BCR: variants seen among roughly 807,000 people sequenced by gnomAD.
BCR encodes breakpoint cluster region protein.
BCR carries 58 observed loss-of-function variants against 138.6 expected under a neutral mutation model. The ratio of observed to expected loss-of-function variants is 0.42; its 90% CI spans 0.34 to 0.52. The LOEUF is 0.52. BCR is among the 20% of genes least tolerant of loss of function. The pLI is 0.06. For missense variants in BCR, 1,599 were observed against 1,727.2 expected (o/e 0.93, Z 1.32); for synonymous variants, 786 against 730.1 (o/e 1.08, Z -1.23).
chr22:23,292,125 A>C (rs1475094570), intron 14 of BCR, among the ~76,000 whole-genome samples: 1 of 152,098 alleles, frequency 6.6e-6, no homozygotes, highest in African/African-American at 2.4e-5. Context: ...CCCATAGTAC[A>C]GCGGGGTCTG....
chr22:23,288,277 C>A, intron 12 of BCR, 105 bp downstream of exon 12: 4 of 1,190,084 alleles, frequency 3.4e-6, no homozygotes, highest in Non-Finnish European at 5.0e-6. Flanking sequence ...GGGTTTTATC[C>A]AAGTGAAGTG....
Position 23,261,563 on chromosome 22 carries a change from T to C in BCR, c.1752+23T>C, listed in dbSNP as rs926691197. The C allele has an allele frequency of 3.1e-6, 5 of 1,608,362 alleles. No individual in the cohort carries two copies. In the African/African-American group the frequency reaches 6.7e-5, roughly 21 times the overall value. On this transcript the variant is annotated intron_variant, in intron 4 of 22. Transcript: ENST00000305877. The stretch of plus-strand genomic sequence containing the variant: ...CTGGTGAGTAACCCAGGGCCGGTGC[T>C]GGGACTACAGGCGTGTACCACCACG...
At chr22:23,207,572 G>A (rs2072631843) in intron 1 of BCR, among the ~76,000 whole-genome samples, 1 of 152,196 alleles carries the variant, frequency 6.6e-6, no homozygotes, top group Non-Finnish European at 1.5e-5. Context: ...ACATTGAGCT[G>A]TGATTGCACC....
intron 16 of BCR, chr22:23,306,044 C>G (rs2073951716): frequency 6.6e-6 from 1 of 152,254 alleles, no homozygotes; most frequent in African/African-American, 2.4e-5. Context: ...GCCTCATTAT[C>G]ATGCTATTCT....
At chr22:23,280,066 C>T (rs930170210) in intron 8 of BCR, among the ~76,000 whole-genome samples, 1 of 152,110 alleles carries the variant, frequency 6.6e-6, no homozygotes, top group Non-Finnish European at 1.5e-5. Context: ...CACCGCATGA[C>T]CTCATCTACA....
At position 23,263,759 on chromosome 22, in the gene BCR, TATC is replaced by T. The variant is rs1405647367; in HGVS notation, c.1752+2222_1752+2224del. On this transcript the variant is annotated intron_variant, in intron 4 of 22. Coordinates refer to ENST00000305877, the MANE Select transcript of BCR (RefSeq NM_004327.4). ...TGTGTGGATTGCAAAGGGGGCATCATATCATTGTGAGTGGCTCCAGGGACAGGA... is the reference window on the plus strand; with the variant it reads ...TGTGTGGATTGCAAAGGGGGCATCATATTGTGAGTGGCTCCAGGGACAGGA... The T allele has an allele frequency of 1.3e-5, 18 of 1,426,538 alleles. No homozygotes were observed. The African/African-American group carries it at 1.8e-4, about 14-fold the overall frequency. The allele number at this position is 1,426,538 out of a possible 1,614,324, so 88.4% of individuals were successfully genotyped here. A position where few individuals can be genotyped will look rare whatever the true frequency, so the allele number is the denominator to read the frequency against.
chr22:23,267,369 G>T (rs905705674), intron 4 of BCR, among the ~76,000 whole-genome samples: 1 of 152,128 alleles, frequency 6.6e-6, no homozygotes, highest in Non-Finnish European at 1.5e-5. Context: ...CCCTTTCCTC[G>T]TACACTCTAA....
At chr22:23,223,779 A>T (rs1366149987) in intron 1 of BCR, among the ~76,000 whole-genome samples, 1 of 152,048 alleles carries the variant, frequency 6.6e-6, no homozygotes, top group Non-Finnish European at 1.5e-5. Context: ...TGTGGTTTTC[A>T]CACCGCCTCT....
rs371986661 is a variant in BCR at position 23,252,427 on chromosome 22, C to CTTTTTTTTTTTTTTTTTT, written c.1280-1368_1280-1367insTTTTTTTTTTTTTTTTTT. On this transcript the variant is annotated intron_variant, in intron 1 of 22. Coordinates refer to ENST00000305877, the MANE Select transcript of BCR (RefSeq NM_004327.4). ...TTGGGTTTCCCTTTCTTTTTCTTTT[C>CTTTTTTTTTTTTTTTTTT]TTTTCTTTTTTTTTTTTTTTTGAGA... Among the ~76,000 whole-genome samples the CTTTTTTTTTTTTTTTTTT allele has an allele frequency of 4.5e-4, 54 of 119,502 alleles. 6 individuals carry two copies. The highest frequency in any genetic ancestry group is 6.0e-4 in the Non-Finnish European group (36 of 59,910). The allele number at this position is 119,502 out of a possible 152,430, so 78.4% of individuals were successfully genotyped here.
intron 12 of BCR, among the ~76,000 whole-genome samples, chr22:23,288,509 C>CA (rs768680986): frequency 2.2e-4 from 34 of 151,914 alleles, no homozygotes; most frequent in South Asian, 6.2e-4. Flanking sequence ...GCTGCCCATA[C>CA]ACCGCACCCC....
chr22:23,205,571 G>A (rs531921734), intron 1 of BCR, among the ~76,000 whole-genome samples: 2 of 152,272 alleles, frequency 1.3e-5, no homozygotes, highest in Non-Finnish European at 1.5e-5. Context: ...GCTCGCCAAG[G>A]GGATACTCAG....
At chr22:23,268,576 C>T in intron 5 of BCR, 61 bp downstream of exon 5, 1 of 1,373,238 alleles carries the variant, frequency 7.3e-7, no homozygotes, top group Non-Finnish European at 1.0e-6. Flanking sequence ...CCCTCCACCT[C>T]CCGAGGAGAA....
In BCR at chr22:23,273,655, G is replaced by A; in HGVS notation, c.1996G>A (p.Ala666Thr). The stretch of plus-strand genomic sequence containing the variant: ...GCAGGACTTGCTGAAGCACACTCCT[G>A]CCAGCCACCCTGACCACCCCTTGCT... Reference protein sequence around the residue: ...VLHDLLKHTPASHPDHPLLQD... With the variant: ...VLHDLLKHTPTSHPDHPLLQD... Residue 666 changes from alanine (A) to threonine (T), a missense_variant, in exon 8 of 23, where the codon GCC becomes ACC. Physicochemically the swap from Ala to Thr is moderately conservative, Grantham distance 58. Transcript: ENST00000305877. The A allele has an allele frequency of 1.2e-6, 2 of 1,613,906 alleles. No homozygotes were observed. The highest frequency in any genetic ancestry group is 3.3e-4 in the Middle Eastern group (2 of 6,062).
At chr22:23,210,115 T>C (rs77211200) in intron 1 of BCR, among the ~76,000 whole-genome samples, 8,490 of 152,240 alleles carry the variant, frequency 0.056, 786 homozygotes, top group African/African-American at 0.19. Flanking sequence ...GAATTATCTG[T>C]TCTTTTTCAA....
chr22:23,187,930 T>A (rs2072367130), intron 1 of BCR, among the ~76,000 whole-genome samples: 3 of 152,230 alleles, frequency 2.0e-5, no homozygotes, highest in South Asian at 2.1e-4. Flanking sequence ...CACATTTTTA[T>A]TAAGCAGCTT....
At chr22:23,190,886 G>T (rs1433160799) in intron 1 of BCR, among the ~76,000 whole-genome samples, 6 of 152,018 alleles carry the variant, frequency 3.9e-5, no homozygotes, top group Admixed American at 3.9e-4. Flanking sequence ...CATTGCTAAG[G>T]TTCTTTCGTT....
chr22:23,239,359 G>A (rs1008306971), intron 1 of BCR, among the ~76,000 whole-genome samples: 1 of 152,196 alleles, frequency 6.6e-6, no homozygotes, highest in East Asian at 1.9e-4. Context: ...GGGTCAATCT[G>A]TAATAATTTA....
chr22:23,210,909 T>C (rs147552059), intron 1 of BCR, among the ~76,000 whole-genome samples: 1 of 152,356 alleles, frequency 6.6e-6, no homozygotes, highest in East Asian at 1.9e-4. Flanking sequence ...TATTCAGATG[T>C]AACATACATA....
chr22:23,260,246 T>C (rs1226373006), intron 2 of BCR, among the ~76,000 whole-genome samples: 3 of 152,194 alleles, frequency 2.0e-5, no homozygotes, highest in African/African-American at 4.8e-5. Flanking sequence ...TTCCCTGAAC[T>C]TTCAGCAGGG....
Sources: gnomAD v4.1 joint callset for allele counts (sites outside exome capture counted in the v4.1 genomes callset) on GRCh38, gnomAD v4.1.1 for gene constraint, MANE v1.5 for transcripts, NCBI Gene and HGNC (gene_info 2026-07-23, HGNC 2026-07-21) for gene names.